The following SORCS3 variants were observed in gnomAD, a reference collection of about 807,000 sequenced individuals.
The protein encoded by SORCS3 is sortilin related VPS10 domain containing receptor 3.
In SORCS3, 57 loss-of-function variants were observed where a neutral mutation model predicts 146.3. The ratio of observed to expected loss-of-function variants is 0.39; its 90% CI spans 0.31 to 0.49. The LOEUF (loss-of-function observed/expected upper bound fraction) is 0.49. SORCS3 is among the 20% of genes least tolerant of loss of function. The pLI is 0.92. For synonymous variants in SORCS3, 653 were observed against 618.5 expected (o/e 1.06, Z -0.83); for missense variants, 1,341 against 1,575.5 (o/e 0.85, Z 2.52).
intron 3 of SORCS3, among the ~76,000 whole-genome samples, chr10:104,953,621 G>C (rs1168728885): frequency 6.6e-6 from 1 of 152,112 alleles, no homozygotes; most frequent in Non-Finnish European, 1.5e-5. Flanking sequence ...TTTTAGAAAG[G>C]GGACTGCATT....
chr10:105,053,617 A>T (rs1179862513), intron 5 of SORCS3, among the ~76,000 whole-genome samples: 1 of 151,972 alleles, frequency 6.6e-6, no homozygotes, highest in African/African-American at 2.4e-5. Context: ...ACATATATTT[A>T]AATATTTTTC....
intron 13 of SORCS3, among the ~76,000 whole-genome samples, chr10:105,175,819 G>A (rs924049383): frequency 7.2e-5 from 11 of 152,202 alleles, no homozygotes; most frequent in African/African-American, 2.7e-4. Context: ...ATGGCAGACT[G>A]TCTGCATTTC....
intron 1 of SORCS3, among the ~76,000 whole-genome samples, chr10:104,839,974 G>A (rs79651819): frequency 1.8e-3 from 280 of 152,306 alleles, no homozygotes; most frequent in African/African-American, 6.4e-3. Context: ...CAGCAAGGCT[G>A]TTAGGAGATC....
chr10:104,977,079 C>T (rs1327063925), intron 3 of SORCS3, among the ~76,000 whole-genome samples: 1 of 151,840 alleles, frequency 6.6e-6, no homozygotes, highest in African/African-American at 2.4e-5. Flanking sequence ...AAAAAAGTTC[C>T]CGGTGCTTAA....
intron 9 of SORCS3, among the ~76,000 whole-genome samples, 185 bp downstream of exon 9, chr10:105,147,981 A>C (rs1250343270): frequency 6.6e-6 from 1 of 152,088 alleles, no homozygotes; most frequent in East Asian, 1.9e-4. Context: ...ATATTTACCA[A>C]GGAGATTATT....
At chr10:105,233,807 C>T (rs950812956) in intron 20 of SORCS3, among the ~76,000 whole-genome samples, 2 of 152,108 alleles carry the variant, frequency 1.3e-5, no homozygotes, top group African/African-American at 4.8e-5. Context: ...TCCAGTCTAC[C>T]ATTGATGGGC....
At chr10:105,138,570 T>C (rs2056074222) in intron 7 of SORCS3, among the ~76,000 whole-genome samples, 1 of 152,238 alleles carries the variant, frequency 6.6e-6, no homozygotes, top group South Asian at 2.1e-4. Flanking sequence ...CCTGTGAATA[T>C]TAATTTCCCC....
chr10:105,044,416 A>T (rs1046877586), intron 5 of SORCS3, among the ~76,000 whole-genome samples: 18 of 152,100 alleles, frequency 1.2e-4, no homozygotes, highest in East Asian at 9.6e-4. Flanking sequence ...TCAAAAAAAA[A>T]TTTTTGTTAG....
At chr10:104,781,281 G>A (rs1383353533) in intron 1 of SORCS3, among the ~76,000 whole-genome samples, 1 of 152,230 alleles carries the variant, frequency 6.6e-6, no homozygotes, top group Admixed American at 6.5e-5. Flanking sequence ...TAGAAGGGCT[G>A]GGATTGGAGC....
intron 2 of SORCS3, among the ~76,000 whole-genome samples, chr10:104,859,838 T>C (rs2018380046): frequency 2.7e-5 from 4 of 149,832 alleles, no homozygotes; most frequent in Admixed American, 6.7e-5. Flanking sequence ...TCACTGGCCA[T>C]CAGAGAAATG....
intron 1 of SORCS3, among the ~76,000 whole-genome samples, chr10:104,693,301 C>T (rs570287766): frequency 5.6e-4 from 85 of 152,222 alleles, no homozygotes; most frequent in Non-Finnish European, 1.0e-3. Context: ...GAGGTTTACA[C>T]ACAGGTGATG....
intron 3 of SORCS3, among the ~76,000 whole-genome samples, chr10:104,959,512 A>G (rs2054780502): frequency 6.6e-6 from 1 of 152,104 alleles, no homozygotes; most frequent in Non-Finnish European, 1.5e-5. Context: ...TTGGTATTGG[A>G]CTTTCCAGCC....
At chr10:105,042,311 G>T (rs2055343356) in intron 4 of SORCS3, among the ~76,000 whole-genome samples, 1 of 152,214 alleles carries the variant, frequency 6.6e-6, no homozygotes, top group Non-Finnish European at 1.5e-5. Context: ...AGTAATAACT[G>T]TCCTACCTTC....
intron 7 of SORCS3, among the ~76,000 whole-genome samples, chr10:105,112,994 C>T (rs926951206): frequency 5.3e-5 from 8 of 152,186 alleles, no homozygotes; most frequent in African/African-American, 4.8e-5. Context: ...CCTTTCCCTT[C>T]GTCCTTTCCC....
chr10:105,007,256 TAC>T, intron 4 of SORCS3, among the ~76,000 whole-genome samples: 1 of 152,218 alleles, frequency 6.6e-6, no homozygotes, highest in African/African-American at 2.4e-5. Context: ...TTATGAGAGA[TAC>T]AGAAAAATAT....
chr10:104,930,662 G>A (rs1321804648), intron 3 of SORCS3, among the ~76,000 whole-genome samples: 1 of 152,200 alleles, frequency 6.6e-6, no homozygotes, highest in Non-Finnish European at 1.5e-5. Flanking sequence ...TCAGTGCCAA[G>A]CACTGGCATT....
chr10:105,220,046 T>G (rs182002347), intron 19 of SORCS3, among the ~76,000 whole-genome samples: 5 of 152,216 alleles, frequency 3.3e-5, no homozygotes, highest in African/African-American at 9.7e-5. Context: ...AGTTGTTAGC[T>G]GCCCAAAATA....
chr10:105,091,929 G>A (rs2055713380), intron 6 of SORCS3, among the ~76,000 whole-genome samples: 1 of 152,090 alleles, frequency 6.6e-6, no homozygotes, highest in Non-Finnish European at 1.5e-5. Flanking sequence ...ACCTGTTTAG[G>A]CCATATTTGT....
At chr10:104,701,087 AGATAAAATCCCTG>A (rs2016274534) in intron 1 of SORCS3, among the ~76,000 whole-genome samples, 1 of 152,200 alleles carries the variant, frequency 6.6e-6, no homozygotes, top group East Asian at 1.9e-4. Context: ...CTCTTGTAGG[AGATAAAATCCCTG>A]GCTTTTGTTC....
Sources: allele counts gnomAD v4.1 joint callset (sites outside exome capture counted in the v4.1 genomes callset), GRCh38; gene constraint gnomAD v4.1.1; transcripts MANE v1.5; gene names NCBI Gene and HGNC (gene_info 2026-07-23, HGNC 2026-07-21).